SMARCA5: variants seen among roughly 807,000 people sequenced by gnomAD.
The protein encoded by SMARCA5 is SNF2 related chromatin remodeling ATPase 5.
A neutral mutation model predicts 140.4 loss-of-function variants in SMARCA5; 18 were observed. That is an observed-to-expected ratio of 0.13 (90% CI 0.09 to 0.19). SMARCA5 has a LOEUF of 0.19. Ranked by LOEUF, SMARCA5 falls within the 10% of genes least tolerant of loss-of-function variation. The pLI is 1.00. For missense variants in SMARCA5, 606 were observed against 1,276.8 expected, an observed-to-expected ratio of 0.47 and a Z score of 8.01; for synonymous variants, 449 against 419.6, an observed-to-expected ratio of 1.07 and a Z score of -0.86.
chr4:143,538,974 T>C lies in SMARCA5; in HGVS notation c.1770+36T>C, dbSNP rs554957609. On this transcript the variant is annotated intron_variant, in intron 13 of 23. Transcript: ENST00000283131. ...ACGAATAAATATATTCTGTGCTTAG[T>C]AGATGGCGTTAGTTAGGACAGGCTA... The C allele has an allele frequency of 8.9e-6, 14 of 1,574,780 alleles. No individual in the cohort carries two copies. The South Asian group carries it at 1.3e-4, about 15-fold the overall frequency.
At chr4:143,539,568 C>T (rs1578801336) in intron 13 of SMARCA5, among the ~76,000 whole-genome samples, 1 of 145,296 alleles carries the variant, frequency 6.9e-6, no homozygotes, top group Non-Finnish European at 1.5e-5. Flanking sequence ...TGGAGTTTCG[C>T]TCTTACTGCT....
chr4:143,555,150 A>G lies in SMARCA5; in HGVS notation c.*1966A>G, dbSNP rs536818942. 13 of 709,682 alleles carry G rather than the reference A, an allele frequency of 1.8e-5. No homozygotes were observed. The East Asian group carries it at 3.4e-4, about 19-fold the overall frequency. The allele number at this position is 709,682 out of a possible 1,614,324, so 44.0% of individuals were successfully genotyped here. On this transcript the variant is annotated 3_prime_UTR_variant, in exon 24 of 24. Transcript: ENST00000283131. Reference sequence around the variant, plus strand: ...CTGCCTTAACCACTACTGCTACTGGAACTGCCTTAGCCACCTTGGTATCGT... The same window carrying G: ...CTGCCTTAACCACTACTGCTACTGGGACTGCCTTAGCCACCTTGGTATCGT...
chr4:143,513,910 C>G lies in SMARCA5; in HGVS notation c.-15C>G, dbSNP rs942307087. 6 of 1,538,002 alleles carry G rather than the reference C, an allele frequency of 3.9e-6. No individual in the cohort carries two copies. The Admixed American group carries it at 5.8e-5, about 15-fold the overall frequency. On this transcript the variant is annotated 5_prime_UTR_variant, in exon 1 of 24. Coordinates refer to ENST00000283131, the MANE Select transcript of SMARCA5 (RefSeq NM_003601.4). ...TCGGGCCTCTGGCAGCAGCGGGTGACGCAGACGGAACATCATGTCGTCCGC... is the reference window on the plus strand; with the variant it reads ...TCGGGCCTCTGGCAGCAGCGGGTGAGGCAGACGGAACATCATGTCGTCCGC...
In SMARCA5 at chr4:143,513,754, C is replaced by T; in HGVS notation, c.-171C>T. 3 of 687,826 alleles carry T rather than the reference C, an allele frequency of 4.4e-6. No individual in the cohort carries two copies. Among genetic ancestry groups the T allele is most frequent in the Non-Finnish European group, 4.8e-6 (2 of 419,856 alleles). 42.6% of individuals were successfully genotyped at this position (687,826 alleles called of 1,614,324 possible). A position where few individuals can be genotyped will look rare whatever the true frequency, so the allele number is the denominator to read the frequency against. On this transcript the variant is annotated 5_prime_UTR_variant, in exon 1 of 24. Coordinates refer to ENST00000283131, the MANE Select transcript of SMARCA5 (RefSeq NM_003601.4). ...GAGCAGAACGTTTGGGAGTGTGCAGCTCCTGGGCCCGGCTCAGGCCCGTCG... is the reference window on the plus strand; with the variant it reads ...GAGCAGAACGTTTGGGAGTGTGCAGTTCCTGGGCCCGGCTCAGGCCCGTCG...
rs529165890 is a variant in SMARCA5 at position 143,527,582 on chromosome 4, A to G, written c.802-286A>G. Among the ~76,000 whole-genome samples the G allele has an allele frequency of 2.0e-5, 3 of 152,268 alleles. No individual in the cohort carries two copies. In the East Asian group the frequency reaches 5.8e-4, roughly 29 times the overall value. On this transcript the variant is annotated intron_variant, in intron 6 of 23. Coordinates refer to ENST00000283131, the MANE Select transcript of SMARCA5 (RefSeq NM_003601.4). ...TTTTGTCTAAACCTGCCTCCTAAGA[A>G]TTTCCCGATCTAGTGGAATTGCAGA... is the stretch of plus-strand genomic sequence containing the variant.
At chr4:143,525,097 T>G (rs1350691003) in intron 4 of SMARCA5, among the ~76,000 whole-genome samples, 3 of 151,888 alleles carry the variant, frequency 2.0e-5, no homozygotes, top group African/African-American at 7.3e-5. Flanking sequence ...ATAACCTGTA[T>G]CTGGTCTTTA....
intron 11 of SMARCA5, 41 bp from the exon 12 acceptor site, chr4:143,538,549 T>G: frequency 6.3e-7 from 1 of 1,580,836 alleles, no homozygotes; most frequent in Non-Finnish European, 8.6e-7. Flanking sequence ...ATTTTTCTAC[T>G]TTTGAAGCCA....
chr4:143,525,074 A>G (rs1737040590), intron 4 of SMARCA5, among the ~76,000 whole-genome samples: 1 of 151,500 alleles, frequency 6.6e-6, no homozygotes, highest in Non-Finnish European at 1.5e-5. Context: ...TAGAAAGAAA[A>G]TAAAATCCCC....
At chr4:143,541,260 T>C (rs1737420520) in intron 14 of SMARCA5, among the ~76,000 whole-genome samples, 1 of 152,206 alleles carries the variant, frequency 6.6e-6, no homozygotes, top group South Asian at 2.1e-4. Context: ...TAATTTCAAG[T>C]GTGCATTGGT....
chr4:143,522,641 T>G (rs189932726), intron 3 of SMARCA5, among the ~76,000 whole-genome samples: 133 of 152,284 alleles, frequency 8.7e-4, no homozygotes, highest in African/African-American at 2.9e-3. Flanking sequence ...TACGAAACTT[T>G]GAAGGGACAA....
At chr4:143,540,626 T>C (rs1737409118) in intron 14 of SMARCA5, 131 bp downstream of exon 14, 7 of 779,246 alleles carry the variant, frequency 9.0e-6, no homozygotes, top group Middle Eastern at 2.9e-4. Flanking sequence ...AGATGACTTG[T>C]ATTGCAAATA....
chr4:143,520,469 A>G (rs1736933596), intron 2 of SMARCA5, among the ~76,000 whole-genome samples: 1 of 152,176 alleles, frequency 6.6e-6, no homozygotes. Flanking sequence ...GTGCCTTCCT[A>G]ATAGCAAATT....
intron 2 of SMARCA5, among the ~76,000 whole-genome samples, chr4:143,518,034 G>T (rs918697769): frequency 6.6e-6 from 1 of 152,064 alleles, no homozygotes; most frequent in Non-Finnish European, 1.5e-5. Context: ...TGGAAGCGAG[G>T]TGAAGACCAG....
Position 143,555,569 on chromosome 4 carries a change from C to CTT in SMARCA5, c.*2397_*2398dup, listed in dbSNP as rs200963449. 92 of 247,406 alleles carry CTT rather than the reference C, an allele frequency of 3.7e-4. No homozygotes were observed. Among genetic ancestry groups the CTT allele is most frequent in the South Asian group, 6.2e-4 (13 of 21,026 alleles). The allele number at this position is 247,406 out of a possible 1,614,324, so 15.3% of individuals were successfully genotyped here. On this transcript the variant is annotated 3_prime_UTR_variant, in exon 24 of 24. Transcript: ENST00000283131. ...TCTGATCATGATACTGAATAAATGT[C>CTT]TTTTTTTTTTTTTAACAACAAAGCA...
At position 143,538,891 on chromosome 4, in the gene SMARCA5, A is replaced by C; in HGVS notation, c.1723A>C (p.Ile575Leu). The change falls in exon 13 of 24, where the codon ATT (isoleucine) becomes CTT (leucine). Residue 575 changes from isoleucine (I) to leucine (L), a missense_variant. Coordinates refer to ENST00000283131, the MANE Select transcript of SMARCA5 (RefSeq NM_003601.4). Reference sequence around the variant, plus strand: ...CAATCTTGCGACTGCTGATGTAGTAATTTTGTATGATTCTGATTGGAATCC... The same window carrying C: ...CAATCTTGCGACTGCTGATGTAGTACTTTTGTATGATTCTGATTGGAATCC... Reference protein sequence around the residue: ...GINLATADVVILYDSDWNPQV... With the variant: ...GINLATADVVLLYDSDWNPQV... The C allele has an allele frequency of 6.2e-7, 1 of 1,614,072 alleles. No homozygotes were observed. The highest frequency in any genetic ancestry group is 8.5e-7 in the Non-Finnish European group (1 of 1,179,984).
intron 9 of SMARCA5, among the ~76,000 whole-genome samples, chr4:143,530,865 A>T (rs1252765734): frequency 2.6e-5 from 4 of 152,200 alleles, no homozygotes; most frequent in African/African-American, 9.6e-5. Flanking sequence ...TCCAGGCTGG[A>T]GTGCAGTGGC....
In SMARCA5 at chr4:143,554,485, G is replaced by C. The variant is rs991975510; in HGVS notation, c.*1301G>C. 1 of 149,390 alleles carries C rather than the reference G, an allele frequency of 6.7e-6. No individual in the cohort carries two copies. 9.3% of individuals were successfully genotyped at this position (149,390 alleles called of 1,614,324 possible). On this transcript the variant is annotated 3_prime_UTR_variant, in exon 24 of 24. Coordinates refer to ENST00000283131, the MANE Select transcript of SMARCA5 (RefSeq NM_003601.4). ...TTCCCTTAAATTTCTATTAGTAGTT[G>C]TTTTCATCTGCCCACATGTAATTGA...
intron 14 of SMARCA5, among the ~76,000 whole-genome samples, chr4:143,541,322 T>C (rs1256625316): frequency 6.6e-6 from 1 of 152,230 alleles, no homozygotes; most frequent in Non-Finnish European, 1.5e-5. Context: ...TCTATAAAGC[T>C]GAAAGGCATA....
At chr4:143,526,727 G>C (rs899374091) in intron 6 of SMARCA5, among the ~76,000 whole-genome samples, 2 of 152,062 alleles carry the variant, frequency 1.3e-5, no homozygotes, top group Non-Finnish European at 2.9e-5. Context: ...TGGGTGTGGT[G>C]GCACGCATGG....
Sources: gnomAD v4.1 joint callset for allele counts (sites outside exome capture counted in the v4.1 genomes callset) on GRCh38, gnomAD v4.1.1 for gene constraint, MANE v1.5 for transcripts, NCBI Gene and HGNC (gene_info 2026-07-23, HGNC 2026-07-21) for gene names.